HMGB1: variants seen among roughly 807,000 people sequenced by gnomAD.
HMGB1 encodes high mobility group box 1, also known as high mobility group protein B1.
For synonymous variants in HMGB1, 81 were observed against 84.0 expected (o/e 0.96, Z 0.19); for missense variants, 79 against 253.5 (o/e 0.31, Z 4.67).
At chr13:30,477,932 G>GA (rs896797513) in intron 1 of HMGB1, among the ~76,000 whole-genome samples, 105 of 149,652 alleles carry the variant, frequency 7.0e-4, no homozygotes, top group Non-Finnish European at 1.2e-3. Flanking sequence ...AGGTGTTAAA[G>GA]AAAAAAAAAA....
intron 1 of HMGB1, among the ~76,000 whole-genome samples, chr13:30,534,367 C>T (rs2137490134): frequency 6.6e-6 from 1 of 152,310 alleles, no homozygotes; most frequent in East Asian, 1.9e-4. Flanking sequence ...AAGCTCTGCT[C>T]TACAAAAATG....
Position 30,463,194 on chromosome 13 carries a change from G to A in HMGB1, c.296+13C>T, listed in dbSNP as rs1886471284. 1 of 1,598,332 alleles carries A rather than the reference G, an allele frequency of 6.3e-7. No homozygotes were observed. The highest frequency in any genetic ancestry group is 1.4e-5 in the African/African-American group (1 of 73,904). ...AAACGTGTCTGGGAAGTAAAAACAG[G>A]CAAGATACTCACGGAGGCCTCTTGG... On this transcript the variant is annotated intron_variant, in intron 3 of 4. Coordinates refer to ENST00000341423, the MANE Select transcript of HMGB1 (RefSeq NM_002128.7).
chr13:30,492,765 C>T (rs1340196630), intron 1 of HMGB1, among the ~76,000 whole-genome samples: 11 of 151,918 alleles, frequency 7.2e-5, no homozygotes, highest in Admixed American at 4.6e-4. Context: ...CTGAGGCAGG[C>T]GGATCACCTG....
chr13:30,555,033 G>GTTTTTTTTTT (rs1007919529), intron 1 of HMGB1, among the ~76,000 whole-genome samples: 17 of 72,440 alleles, frequency 2.3e-4, no homozygotes, highest in Non-Finnish European at 2.9e-4. Flanking sequence ...GTGTCGTTGT[G>GTTTTTTTTTT]TTTTTTTTTT....
rs1184069051 is a variant in HMGB1, at chr13:30,460,082, A to G, written c.*1275T>C. 2.0e-5 allele frequency: 3 copies of G among 152,602 alleles called. No individual in the cohort carries two copies. Among genetic ancestry groups the G allele is most frequent in the Non-Finnish European group, 2.9e-5 (2 of 68,006 alleles). 9.5% of individuals were successfully genotyped at this position (152,602 alleles called of 1,614,324 possible). A position where few individuals can be genotyped will look rare whatever the true frequency, so the allele number is the denominator to read the frequency against. ...CCACAAAATTGCCAAATTGTTCCCT[A>G]AACTCCTAAGCAGATAAACATGACT... On this transcript the variant is annotated 3_prime_UTR_variant, in exon 5 of 5. Transcript: ENST00000341423.
chr13:30,521,908 A>G (rs1001372386), intron 1 of HMGB1, among the ~76,000 whole-genome samples: 1 of 152,186 alleles, frequency 6.6e-6, no homozygotes, highest in African/African-American at 2.4e-5. Context: ...GATTAGAACC[A>G]TCTTAGTGGG....
rs188656558 is a variant in HMGB1 at position 30,512,983 on chromosome 13, T to C, written c.-14-49289A>G. Among the ~76,000 whole-genome samples, 1,154 of 152,220 alleles carry C rather than the reference T, an allele frequency of 7.6e-3. 7 individuals carry two copies. Among genetic ancestry groups the C allele is most frequent in the Non-Finnish European group, 0.011 (715 of 68,006 alleles). ...TTCAAGACCAGCCTGGCCAACGTGGTGAAACCCCATCTCTAATACAAATAC... is the reference window on the plus strand; with the variant it reads ...TTCAAGACCAGCCTGGCCAACGTGGCGAAACCCCATCTCTAATACAAATAC... On this transcript the variant is annotated intron_variant, in intron 1 of 4. Coordinates refer to the HMGB1 transcript ENST00000405805.
chr13:30,480,678 G>A (rs971116909), intron 1 of HMGB1, among the ~76,000 whole-genome samples: 5 of 152,146 alleles, frequency 3.3e-5, no homozygotes, highest in African/African-American at 1.2e-4. Context: ...CTTCTATGTC[G>A]GTCGCTCTCA....
chr13:30,508,035 A>C (rs202206359), intron 1 of HMGB1, among the ~76,000 whole-genome samples: 14,488 of 152,146 alleles, frequency 0.095, 982 homozygotes, highest in East Asian at 0.18. Context: ...CAGAAAATTA[A>C]ATGGAGTGGC....
intron 1 of HMGB1, among the ~76,000 whole-genome samples, chr13:30,576,316 T>C (rs1245112647): frequency 1.3e-5 from 2 of 152,158 alleles, no homozygotes; most frequent in Non-Finnish European, 2.9e-5. Flanking sequence ...CCCAAGGCTT[T>C]GCAGGGCTTC....
At chr13:30,584,811 A>G (rs1409375989) in intron 1 of HMGB1, among the ~76,000 whole-genome samples, 1 of 152,196 alleles carries the variant, frequency 6.6e-6, no homozygotes, top group Non-Finnish European at 1.5e-5. Context: ...AGCAATATGT[A>G]TTTATCACTA....
chr13:30,582,420 C>T (rs1043381947), intron 1 of HMGB1, among the ~76,000 whole-genome samples: 6 of 152,082 alleles, frequency 3.9e-5, no homozygotes, highest in East Asian at 1.9e-4. Context: ...GGGCAGATCA[C>T]GAGGTCAGGA....
At chr13:30,577,065 G>T (rs1231077910) in intron 1 of HMGB1, among the ~76,000 whole-genome samples, 1 of 152,074 alleles carries the variant, frequency 6.6e-6, no homozygotes, top group Non-Finnish European at 1.5e-5. Flanking sequence ...GACTAGAGCT[G>T]GGCACAGGGG....
chr13:30,535,372 G>T (rs1868382514), intron 1 of HMGB1, among the ~76,000 whole-genome samples: 2 of 152,126 alleles, frequency 1.3e-5, no homozygotes, highest in Admixed American at 1.3e-4. Flanking sequence ...TCAATATTTT[G>T]GGGAAAAAAC....
intron 1 of HMGB1, among the ~76,000 whole-genome samples, chr13:30,492,403 G>A (rs542307882): frequency 1.3e-5 from 2 of 151,902 alleles, no homozygotes; most frequent in South Asian, 4.2e-4. Flanking sequence ...TACATATAAT[G>A]GACTGGTATC....
chr13:30,538,161 C>T (rs535082069), intron 1 of HMGB1, among the ~76,000 whole-genome samples: 7 of 152,280 alleles, frequency 4.6e-5, no homozygotes, highest in Non-Finnish European at 7.4e-5. Flanking sequence ...TCTTACAGGA[C>T]GTTGTTGAAA....
intron 1 of HMGB1, among the ~76,000 whole-genome samples, chr13:30,568,603 T>C (rs952141249): frequency 6.6e-6 from 1 of 152,150 alleles, no homozygotes; most frequent in Non-Finnish European, 1.5e-5. Flanking sequence ...CAATGACATT[T>C]GTCCTTACAA....
chr13:30,565,771 G>C (rs1870159844), intron 1 of HMGB1, among the ~76,000 whole-genome samples: 1 of 152,162 alleles, frequency 6.6e-6, no homozygotes, highest in Non-Finnish European at 1.5e-5. Context: ...ATTTAAGTGA[G>C]ATCTCTTTGT....
chr13:30,529,099 T>A (rs1377297545), intron 1 of HMGB1, among the ~76,000 whole-genome samples: 1 of 136,152 alleles, frequency 7.3e-6, no homozygotes, highest in Non-Finnish European at 1.6e-5. Flanking sequence ...AAGAATCACA[T>A]CCTTTATAAT....
Sources: allele counts gnomAD v4.1 joint callset (sites outside exome capture counted in the v4.1 genomes callset), GRCh38; gene constraint gnomAD v4.1.1; transcripts MANE v1.5; gene names NCBI Gene and HGNC (gene_info 2026-07-23, HGNC 2026-07-21).